Variants in NOX4 observed in about 807,000 individuals in gnomAD.
The protein encoded by NOX4 is NADPH oxidase 4.
Under a neutral mutation model 87.6 loss-of-function variants are expected in NOX4, and 69 were observed. The observed-to-expected ratio is 0.79, with a 90% CI of 0.65 to 0.96. NOX4 has a LOEUF of 0.96. Among genes scored for constraint, NOX4 ranks in the 40% least tolerant of loss-of-function variants. The pLI is 0.00. For synonymous variants in NOX4, 275 were observed against 238.2 expected (o/e 1.15, Z -1.42); for missense variants, 680 against 681.5 (o/e 1.00, Z 0.02).
intron 1 of NOX4, chr11:89,490,851 A>G (rs1282478495): frequency 1.4e-6 from 1 of 700,984 alleles, no homozygotes; most frequent in Admixed American, 2.0e-5. Context: ...ACATCACCAT[A>G]CCCCAAGCAA....
chr11:89,346,776 C>T (rs915827710), intron 13 of NOX4, among the ~76,000 whole-genome samples: 11 of 152,166 alleles, frequency 7.2e-5, no homozygotes, highest in African/African-American at 2.2e-4. Context: ...ATTAGTCTTG[C>T]GCTAACACAG....
At chr11:89,348,310 G>A (rs1946304267) in intron 13 of NOX4, among the ~76,000 whole-genome samples, 1 of 152,092 alleles carries the variant, frequency 6.6e-6, no homozygotes, top group Non-Finnish European at 1.5e-5. Context: ...AGCTACTTGG[G>A]AGGCTGAGGC....
chr11:89,415,003 T>C (rs537731188), intron 8 of NOX4, among the ~76,000 whole-genome samples: 2 of 152,104 alleles, frequency 1.3e-5, no homozygotes, highest in East Asian at 1.9e-4. Context: ...AGAAGTTAAA[T>C]TCAGGGGTCA....
intron 2 of NOX4, among the ~76,000 whole-genome samples, chr11:89,476,782 G>A (rs1946186227): frequency 1.3e-5 from 2 of 152,182 alleles, no homozygotes; most frequent in Admixed American, 1.3e-4. Context: ...GGAATACCAT[G>A]TAGCAGTTGG....
the NOX4 span, among the ~76,000 whole-genome samples, chr11:89,576,665 G>A: frequency 6.6e-6 from 1 of 152,008 alleles, no homozygotes; most frequent in East Asian, 1.9e-4. Context: ...CAATTTCCAG[G>A]CAAATGGTGA....
At chr11:89,480,915 A>T (rs1054316006) in intron 2 of NOX4, among the ~76,000 whole-genome samples, 3 of 152,252 alleles carry the variant, frequency 2.0e-5, no homozygotes, top group African/African-American at 7.2e-5. Context: ...TGAATGAAAT[A>T]TGTTCCACCT....
chr11:89,452,060 C>T (rs139489046), intron 2 of NOX4, among the ~76,000 whole-genome samples, 165 bp from the exon 3 acceptor site: 150 of 152,266 alleles, frequency 9.9e-4, no homozygotes, highest in Middle Eastern at 3.4e-3. Context: ...CACTAAAACC[C>T]CCTTTGAACG....
the NOX4 span, among the ~76,000 whole-genome samples, chr11:89,568,898 A>T: frequency 2.0e-5 from 3 of 152,350 alleles, no homozygotes; most frequent in South Asian, 6.2e-4. Flanking sequence ...CAAAGTTAAC[A>T]AAAACAAGCA....
intron 13 of NOX4, among the ~76,000 whole-genome samples, chr11:89,352,684 A>G (rs991299827): frequency 2.6e-4 from 39 of 152,294 alleles, no homozygotes; most frequent in African/African-American, 8.4e-4. Flanking sequence ...TAAATAGAGA[A>G]CTAGAATTAC....
At chr11:89,502,570 C>G (rs1314098641), upstream of NOX4, among the ~76,000 whole-genome samples, 1 of 151,958 alleles carries the variant, frequency 6.6e-6, no homozygotes, top group Admixed American at 6.6e-5. Context: ...TGGATTGACT[C>G]TTACATGAGG....
chr11:89,404,466 C>T (rs1427171920), intron 8 of NOX4, among the ~76,000 whole-genome samples: 2 of 152,076 alleles, frequency 1.3e-5, no homozygotes, highest in Admixed American at 6.6e-5. Context: ...GAACATAAAT[C>T]AGACTACAGA....
chr11:89,484,981 T>C (rs993054787), intron 2 of NOX4, among the ~76,000 whole-genome samples: 1 of 152,136 alleles, frequency 6.6e-6, no homozygotes, highest in African/African-American at 2.4e-5. Flanking sequence ...TCAGCAGAAT[T>C]AAAGCTGCCC....
upstream of NOX4, among the ~76,000 whole-genome samples, chr11:89,492,748 G>A (rs1946890164): frequency 6.6e-6 from 1 of 152,060 alleles, no homozygotes; most frequent in African/African-American, 2.4e-5. Context: ...AAAAACCCAA[G>A]GGGTCTCTCC....
chr11:89,354,994 A>G lies in NOX4; in HGVS notation c.1185T>C (p.Ile395=). ...LLPPSSQDSE[I]LPFIQSRNYP... is the part of the protein sequence containing the mutation. Reference sequence around the variant, plus strand: ...AATTTCTAGATTGAATGAAGGGCAGAATTTCGGAGTCTTGACTAGATGGAG... The same window carrying G: ...AATTTCTAGATTGAATGAAGGGCAGGATTTCGGAGTCTTGACTAGATGGAG... The change falls in exon 13 of 18, where the codon ATT becomes ATC. Residue 395 remains isoleucine, a synonymous_variant. Transcript: ENST00000263317. 3 of 1,603,982 alleles carry G rather than the reference A, an allele frequency of 1.9e-6. No individual in the cohort carries two copies. The highest frequency in any genetic ancestry group is 2.6e-6 in the Non-Finnish European group (3 of 1,173,152).
the NOX4 span, among the ~76,000 whole-genome samples, chr11:89,573,517 T>A: frequency 6.6e-6 from 1 of 152,182 alleles, no homozygotes. Context: ...AAACTTTTAA[T>A]AGCTGTTTTG....
At chr11:89,403,364 T>A (rs976322003) in intron 8 of NOX4, among the ~76,000 whole-genome samples, 13 of 152,156 alleles carry the variant, frequency 8.5e-5, no homozygotes. Flanking sequence ...AAAGTAAGAT[T>A]TGGAAATGCT....
At chr11:89,358,638 A>G (rs1419244282) in intron 12 of NOX4, among the ~76,000 whole-genome samples, 1 of 151,666 alleles carries the variant, frequency 6.6e-6, no homozygotes, top group Non-Finnish European at 1.5e-5. Flanking sequence ...TGGAAAAATT[A>G]TTTATAATTA....
intron 13 of NOX4, among the ~76,000 whole-genome samples, chr11:89,354,453 C>T (rs1565189677): frequency 6.6e-6 from 1 of 152,064 alleles, no homozygotes; most frequent in Non-Finnish European, 1.5e-5. Flanking sequence ...CATAACAAAG[C>T]GTCAGAAGAT....
At chr11:89,491,692 T>C, upstream of NOX4, 1 of 175,852 alleles carries the variant, frequency 5.7e-6, no homozygotes, top group Non-Finnish European at 1.2e-5. Context: ...ACAATGCTAC[T>C]CATACTAAAA....
Sources: gnomAD v4.1 joint callset for allele counts (sites outside exome capture counted in the v4.1 genomes callset) on GRCh38, gnomAD v4.1.1 for gene constraint, MANE v1.5 for transcripts, NCBI Gene and HGNC (gene_info 2026-07-23, HGNC 2026-07-21) for gene names.